Variants in CDH13 observed in about 807,000 individuals in gnomAD.
The protein encoded by CDH13 is cadherin 13.
Under a neutral mutation model 63.8 loss-of-function variants are expected in CDH13, and 24 were observed. The ratio of observed to expected loss-of-function variants is 0.38; its 90% CI spans 0.27 to 0.53. CDH13 has a LOEUF of 0.53. Ranked by LOEUF, CDH13 falls within the 20% of genes least tolerant of loss-of-function variation. The pLI is 0.85. For missense variants in CDH13, 1,049 were observed against 903.1 expected (o/e 1.16, Z -2.07); for synonymous variants, 503 against 355.3 (o/e 1.42, Z -4.67).
intron 5 of CDH13, among the ~76,000 whole-genome samples, chr16:83,306,405 G>C (rs1013780772): frequency 2.6e-5 from 4 of 152,120 alleles, no homozygotes; most frequent in South Asian, 2.1e-4. Flanking sequence ...TCTTGCTTTT[G>C]AGAGCCCAGA....
chr16:83,794,990 T>A (rs887425269), intron 13 of CDH13, 33 bp from the exon 14 acceptor site: 1 of 1,582,638 alleles, frequency 6.3e-7, no homozygotes, highest in Non-Finnish European at 8.6e-7. Context: ...AGTGGTGATA[T>A]TCCCGACTTA....
At chr16:83,081,687 AAGAGAGAGAG>A (rs879394499) in intron 3 of CDH13, among the ~76,000 whole-genome samples, 1 of 149,920 alleles carries the variant, frequency 6.7e-6, no homozygotes, top group Non-Finnish European at 1.5e-5. Context: ...TCACACAGTA[AAGAGAGAGAG>A]AGAGAGAGAA....
chr16:83,413,061 G>A (rs1178924552), intron 6 of CDH13, among the ~76,000 whole-genome samples: 1 of 152,156 alleles, frequency 6.6e-6, no homozygotes, highest in East Asian at 1.9e-4. Context: ...GCATTTGGCT[G>A]TTTTTACTTA....
chr16:82,814,551 G>T (rs935498305), intron 1 of CDH13, among the ~76,000 whole-genome samples: 3 of 152,172 alleles, frequency 2.0e-5, no homozygotes, highest in Non-Finnish European at 4.4e-5. Flanking sequence ...GGAGGTTTCT[G>T]GAGGGTGGTG....
At chr16:83,775,932 C>T (rs931655331) in intron 11 of CDH13, among the ~76,000 whole-genome samples, 1 of 151,994 alleles carries the variant, frequency 6.6e-6, no homozygotes, top group African/African-American at 2.4e-5. Context: ...TCCTGGGCCC[C>T]AGAAATGATT....
intron 6 of CDH13, among the ~76,000 whole-genome samples, chr16:83,425,564 C>T (rs1470136798): frequency 6.6e-6 from 1 of 152,202 alleles, no homozygotes; most frequent in Non-Finnish European, 1.5e-5. Flanking sequence ...CAAAAATATC[C>T]TTCTGCTAAT....
chr16:83,659,001 C>T (rs1913175809), intron 8 of CDH13, among the ~76,000 whole-genome samples: 1 of 145,086 alleles, frequency 6.9e-6, no homozygotes, highest in Non-Finnish European at 1.5e-5. Flanking sequence ...CACCAGGTCC[C>T]ATGTCCTCAC....
chr16:82,884,921 C>G (rs912187799), intron 2 of CDH13, among the ~76,000 whole-genome samples: 10 of 152,204 alleles, frequency 6.6e-5, no homozygotes, highest in South Asian at 2.1e-4. Flanking sequence ...AGCTACAGCT[C>G]TAGTCTAAAG....
rs141096194 is a variant in CDH13, at chr16:83,253,520, T to C, written c.636+36023T>C. Among the ~76,000 whole-genome samples the C allele has an allele frequency of 6.4e-3, 980 of 152,336 alleles. 5 individuals are homozygous for C. Among genetic ancestry groups the C allele is most frequent in the African/African-American group, 0.022 (915 of 41,570 alleles). On this transcript the variant is annotated intron_variant, in intron 5 of 13. Coordinates refer to ENST00000567109, the MANE Select transcript of CDH13 (RefSeq NM_001257.5). ...CCTGTGCCTTCTGCCATTAAGCAGGTCTGACAACGTGAAAGCTGGCTGAGC... is the reference window on the plus strand; with the variant it reads ...CCTGTGCCTTCTGCCATTAAGCAGGCCTGACAACGTGAAAGCTGGCTGAGC...
intron 2 of CDH13, among the ~76,000 whole-genome samples, chr16:82,973,951 T>C (rs1212089018): frequency 6.6e-6 from 1 of 152,154 alleles, no homozygotes; most frequent in African/African-American, 2.4e-5. Flanking sequence ...GAAACAGAGT[T>C]ACCCACTGTT....
chr16:83,456,033 T>C (rs1598061122), intron 6 of CDH13, among the ~76,000 whole-genome samples: 2 of 152,334 alleles, frequency 1.3e-5, no homozygotes, highest in East Asian at 3.9e-4. Flanking sequence ...TCAGCGAGGC[T>C]GGAGTTCTGA....
At chr16:82,727,413 G>A (rs1197373955) in intron 1 of CDH13, 1 of 152,102 alleles carries the variant, frequency 6.6e-6, no homozygotes, top group Non-Finnish European at 1.5e-5. Context: ...TGTCTGTGAT[G>A]CACTTAGCAG....
chr16:82,809,595 T>C (rs1364442491), intron 1 of CDH13, among the ~76,000 whole-genome samples: 2 of 152,150 alleles, frequency 1.3e-5, no homozygotes, highest in Non-Finnish European at 2.9e-5. Flanking sequence ...TTGGATTTGG[T>C]TTTATGTTTT....
chr16:83,158,808 A>G (rs970248627), intron 4 of CDH13, among the ~76,000 whole-genome samples: 1 of 152,210 alleles, frequency 6.6e-6, no homozygotes, highest in Non-Finnish European at 1.5e-5. Context: ...GCACTGGCCC[A>G]TGGTAGCCAG....
chr16:83,608,005 G>C (rs1250601322), intron 8 of CDH13, among the ~76,000 whole-genome samples: 1 of 151,986 alleles, frequency 6.6e-6, no homozygotes, highest in Non-Finnish European at 1.5e-5. Flanking sequence ...ATAAATCTCA[G>C]GTCATGGGGA....
At chr16:83,291,567 C>T (rs1018199498) in intron 5 of CDH13, among the ~76,000 whole-genome samples, 4 of 151,886 alleles carry the variant, frequency 2.6e-5, no homozygotes, top group African/African-American at 9.7e-5. Context: ...TAACCCTATG[C>T]AAAAATAATC....
chr16:82,750,771 G>T (rs2034380701), intron 1 of CDH13, among the ~76,000 whole-genome samples: 1 of 149,330 alleles, frequency 6.7e-6, no homozygotes, highest in Non-Finnish European at 1.5e-5. Context: ...CAAGAGATTG[G>T]CTTAAGCTGA....
intron 1 of CDH13, among the ~76,000 whole-genome samples, chr16:82,832,723 T>C (rs546911175): frequency 2.7e-4 from 40 of 145,664 alleles, no homozygotes; most frequent in East Asian, 1.4e-3. Context: ...CAGTAAGCTT[T>C]TGCATCTGGA....
intron 6 of CDH13, among the ~76,000 whole-genome samples, chr16:83,410,490 A>T (rs1344716761): frequency 1.3e-5 from 2 of 152,220 alleles, no homozygotes; most frequent in African/African-American, 4.8e-5. Flanking sequence ...AGTGTTTAGC[A>T]AGGTTACTGG....
Sources: gnomAD v4.1 joint callset for allele counts (sites outside exome capture counted in the v4.1 genomes callset) on GRCh38, gnomAD v4.1.1 for gene constraint, MANE v1.5 for transcripts, NCBI Gene and HGNC (gene_info 2026-07-23, HGNC 2026-07-21) for gene names.